Variants in ZNF319 observed in about 807,000 individuals in gnomAD.
The protein encoded by ZNF319 is zinc finger protein 319.
A neutral mutation model predicts 46.0 loss-of-function variants in ZNF319; 15 were observed. That is an observed-to-expected ratio of 0.33 (90% CI 0.22 to 0.50). ZNF319 has a LOEUF of 0.50. Ranked by LOEUF, ZNF319 falls within the 20% of genes least tolerant of loss-of-function variation. ZNF319 has a pLI of 0.98. For missense variants in ZNF319, 635 were observed against 807.0 expected (o/e 0.79, Z 2.58); for synonymous variants, 368 against 364.0 (o/e 1.01, Z -0.13).
Position 57,996,471 on chromosome 16 carries a change from C to T in ZNF319, c.*46G>A, listed in dbSNP as rs1963014649. 1 of 1,461,640 alleles carries T rather than the reference C, an allele frequency of 6.8e-7. No individual in the cohort carries two copies. Among genetic ancestry groups the T allele is most frequent in the African/African-American group, 1.4e-5 (1 of 70,634 alleles). 90.5% of individuals were successfully genotyped at this position (1,461,640 alleles called of 1,614,324 possible). A position where few individuals can be genotyped will look rare whatever the true frequency, so the allele number is the denominator to read the frequency against. ...TAGGCTGCGCGAGGCCTGCTGGGCC[C>T]ACGGCGCCGACTCAGGTCAGGCTGG... On this transcript the variant is annotated 3_prime_UTR_variant, in exon 2 of 2. Transcript: ENST00000299237.
chr16:57,996,540 G>A lies in ZNF319; in HGVS notation c.1726C>T (p.Gln576Ter). Residue 576 changes from glutamine to a stop codon, truncating the protein, a stop_gained, in exon 2 of 2, where the codon CAG (glutamine) becomes TAG (stop). Transcript: ENST00000299237. LOFTEE classifies it high-confidence loss of function. ...AAAAAAEGAYQVAACLP is the reference protein window; with the variant it reads ...AAAAAAEGAY ...AGTCAGGGCAGGCAGGCGGCTACCT[G>A]GTAGGCGCCCTCCGCTGCCGCGGCG... The A allele has an allele frequency of 1.3e-6, 2 of 1,544,262 alleles. No individual in the cohort carries two copies. The highest frequency in any genetic ancestry group is 8.7e-7 in the Non-Finnish European group (1 of 1,151,406).
chr16:57,996,701 G>T lies in ZNF319; in HGVS notation c.1565C>A (p.Ala522Asp). The change falls in exon 2 of 2, where the codon GCC becomes GAC. Residue 522 changes from alanine (A) to aspartate (D), a missense_variant. Coordinates refer to ENST00000299237, the MANE Select transcript of ZNF319 (RefSeq NM_020807.3). ...GTTGAGATGCTCCCGCTGCTTGAAG[G>T]CCTTGTCGCAGTTGGGGCACTTGTA... The part of the protein sequence containing the change: ...KPYKCPNCDK[A>D]FKQREHLNKH... The T allele has an allele frequency of 1.2e-6, 2 of 1,613,142 alleles. No individual in the cohort carries two copies.
At position 57,998,480 on chromosome 16, in the gene ZNF319, C is replaced by T. The variant is rs1011055235; in HGVS notation, c.-215G>A. On this transcript the variant is annotated 5_prime_UTR_variant, in exon 2 of 2. Transcript: ENST00000299237. ...ACATGGGGGCTCTTCAAGGGAGGGT[C>T]CCAGCAGTGCCGGGGAGACTCTGCC... 1 of 614,264 alleles carries T rather than the reference C, an allele frequency of 1.6e-6. No homozygotes were observed. The highest frequency in any genetic ancestry group is 2.7e-6 in the Non-Finnish European group (1 of 376,416). The allele number at this position is 614,264 out of a possible 1,614,324, so 38.1% of individuals were successfully genotyped here. A position where few individuals can be genotyped will look rare whatever the true frequency, so the allele number is the denominator to read the frequency against.
At position 57,997,703 on chromosome 16, in the gene ZNF319, G is replaced by A. The variant is rs1407319702; in HGVS notation, c.563C>T (p.Ala188Val). 1.2e-6 allele frequency: 2 copies of A among 1,613,716 alleles called. No homozygotes were observed. The highest frequency in any genetic ancestry group is 2.2e-5 in the East Asian group (1 of 44,882). The change falls in exon 2 of 2, where the codon GCG (alanine) becomes GTG (valine). Residue 188 changes from alanine (A) to valine (V), a missense_variant. By Grantham distance (64) the Ala-to-Val change is moderately conservative. Coordinates refer to ENST00000299237, the MANE Select transcript of ZNF319 (RefSeq NM_020807.3). ...TAAPSLPAAP[A>V]PSTVTPAEQA... is the part of the protein sequence containing the mutation. Reference sequence around the variant, plus strand: ...TTCAGCAGGGGTGACAGTGGAAGGCGCGGGTGCTGCGGGAAGCGACGGGGC... The same window carrying A: ...TTCAGCAGGGGTGACAGTGGAAGGCACGGGTGCTGCGGGAAGCGACGGGGC...
rs1488344007 is a variant in ZNF319, at chr16:58,000,263, G to T, written c.-1028C>A. On this transcript the variant is annotated 5_prime_UTR_variant, in exon 1 of 2. Coordinates refer to ENST00000299237, the MANE Select transcript of ZNF319 (RefSeq NM_020807.3). The surrounding 1 kb of genome is among the most constrained non-coding windows in gnomAD (Gnocchi z 4.5). ...GGAAGCGGCTGCGCCTCGAGGCCCG[G>T]CCTGGGCCGCCCAGAAGCTCAAGAG... 2.6e-5 allele frequency: 4 copies of T among 152,032 alleles called. No individual in the cohort carries two copies. Among genetic ancestry groups the T allele is most frequent in the African/African-American group, 7.2e-5 (3 of 41,426 alleles). The allele number at this position is 152,032 out of a possible 1,614,324, so 9.4% of individuals were successfully genotyped here.
rs751811362 is a variant in ZNF319 at position 57,996,343 on chromosome 16, A to G, written c.*174T>C. 6.6e-4 allele frequency: 873 copies of G among 1,324,022 alleles called. 3 individuals are homozygous for G. Among genetic ancestry groups the G allele is most frequent in the South Asian group, 4.0e-3 (236 of 58,564 alleles). 82.0% of individuals were successfully genotyped at this position (1,324,022 alleles called of 1,614,324 possible). A position where few individuals can be genotyped will look rare whatever the true frequency, so the allele number is the denominator to read the frequency against. On this transcript the variant is annotated 3_prime_UTR_variant, in exon 2 of 2. Coordinates refer to ENST00000299237, the MANE Select transcript of ZNF319 (RefSeq NM_020807.3). Reference sequence around the variant, plus strand: ...ACTGCCCGCTGGTGCCAGGAGTACGAGCGGCACACCCTCTCCCTGCCTCAT... The same window carrying G: ...ACTGCCCGCTGGTGCCAGGAGTACGGGCGGCACACCCTCTCCCTGCCTCAT...
chr16:57,998,482 C>T lies in ZNF319; in HGVS notation c.-217G>A, dbSNP rs951394494. 4 of 615,298 alleles carry T rather than the reference C, an allele frequency of 6.5e-6. No individual in the cohort carries two copies. The African/African-American group carries it at 7.3e-5, about 11-fold the overall frequency. The allele number at this position is 615,298 out of a possible 1,614,324, so 38.1% of individuals were successfully genotyped here. The stretch of plus-strand genomic sequence containing the variant: ...ATGGGGGCTCTTCAAGGGAGGGTCC[C>T]AGCAGTGCCGGGGAGACTCTGCCTT... On this transcript the variant is annotated 5_prime_UTR_variant, in exon 2 of 2. Transcript: ENST00000299237.
In ZNF319 at chr16:57,996,592, C is replaced by T. The variant is rs1299031244; in HGVS notation, c.1674G>A (p.Gln558=). 3.7e-6 allele frequency: 6 copies of T among 1,602,546 alleles called. No homozygotes were observed. The highest frequency in any genetic ancestry group is 5.1e-6 in the Non-Finnish European group (6 of 1,178,424). Residue 558 remains glutamine (Q), a synonymous_variant, in exon 2 of 2, where the codon CAG becomes CAA. Transcript: ENST00000299237. ...GERFLDVALL[Q]EHSAQHSAAA... ...CGGCACTGTGCTGCGCGCTGTGCTC[C>T]TGCAACAAGGCCACGTCTAGGAAGC...
At position 57,996,338 on chromosome 16, in the gene ZNF319, G is replaced by C. The variant is rs2142279212; in HGVS notation, c.*179C>G. On this transcript the variant is annotated 3_prime_UTR_variant, in exon 2 of 2. Coordinates refer to ENST00000299237, the MANE Select transcript of ZNF319 (RefSeq NM_020807.3). ...CCCGCACTGCCCGCTGGTGCCAGGA[G>C]TACGAGCGGCACACCCTCTCCCTGC... 9 of 1,297,622 alleles carry C rather than the reference G, an allele frequency of 6.9e-6. No individual in the cohort carries two copies. In the South Asian group the frequency reaches 1.6e-4, roughly 22 times the overall value. The allele number at this position is 1,297,622 out of a possible 1,614,324, so 80.4% of individuals were successfully genotyped here.
chr16:57,996,393 T>C lies in ZNF319; in HGVS notation c.*124A>G, dbSNP rs1963013619. ...TACCCCTGCGTCCTCACTCCCGAGG[T>C]CTCAGAACACCGAGCTGGGTGGGGC... On this transcript the variant is annotated 3_prime_UTR_variant, in exon 2 of 2. Coordinates refer to ENST00000299237, the MANE Select transcript of ZNF319 (RefSeq NM_020807.3). 7.0e-7 allele frequency: 1 copy of C among 1,428,972 alleles called. No individual in the cohort carries two copies. Among genetic ancestry groups the C allele is most frequent in the African/African-American group, 1.4e-5 (1 of 69,416 alleles). The allele number at this position is 1,428,972 out of a possible 1,614,324, so 88.5% of individuals were successfully genotyped here. A position where few individuals can be genotyped will look rare whatever the true frequency, so the allele number is the denominator to read the frequency against.
In ZNF319 at chr16:57,999,996, C is replaced by T. The variant is rs1476945024; in HGVS notation, c.-761G>A. 1 of 152,676 alleles carries T rather than the reference C, an allele frequency of 6.5e-6. No individual in the cohort carries two copies. Among genetic ancestry groups the T allele is most frequent in the Admixed American group, 6.5e-5 (1 of 15,296 alleles). 9.5% of individuals were successfully genotyped at this position (152,676 alleles called of 1,614,324 possible). On this transcript the variant is annotated 5_prime_UTR_variant, in exon 1 of 2. Coordinates refer to ENST00000299237, the MANE Select transcript of ZNF319 (RefSeq NM_020807.3). ...CCAGGAAGCCTCTGTGATCACTCCG[C>T]AAAGGGGAGAGAGGAGGCAAGGAGA...
At position 58,000,662 on chromosome 16, in the gene ZNF319, C is replaced by G. The variant is rs1442244867; in HGVS notation, c.-1427G>C. ...GCGGGCGGACGGACCGATGGCCTTGCGGAGACGGGCGGACGGGCGGGCGGC... is the reference window on the plus strand; with the variant it reads ...GCGGGCGGACGGACCGATGGCCTTGGGGAGACGGGCGGACGGGCGGGCGGC... On this transcript the variant is annotated 5_prime_UTR_variant, in exon 1 of 2. Transcript: ENST00000299237. The surrounding 1 kb of genome is among the most constrained non-coding windows in gnomAD (Gnocchi z 4.5). Among the ~76,000 whole-genome samples, 6 of 143,988 alleles carry G rather than the reference C, an allele frequency of 4.2e-5. No homozygotes were observed. Among genetic ancestry groups the G allele is most frequent in the Admixed American group, 2.7e-4 (4 of 14,606 alleles). 94.5% of individuals were successfully genotyped at this position (143,988 alleles called of 152,430 possible). A position where few individuals can be genotyped will look rare whatever the true frequency, so the allele number is the denominator to read the frequency against.
At position 57,997,022 on chromosome 16, in the gene ZNF319, A is replaced by G. The variant is rs1218720293; in HGVS notation, c.1244T>C (p.Leu415Pro). 1 of 1,611,298 alleles carries G rather than the reference A, an allele frequency of 6.2e-7. No homozygotes were observed. The highest frequency in any genetic ancestry group is 8.5e-7 in the Non-Finnish European group (1 of 1,179,564). Reference sequence around the variant, plus strand: ...CGCGCCGGGCAGGCACTTGTGCCGCAGCAGCTCGGCAGATTGGTCAAAGCC... The same window carrying G: ...CGCGCCGGGCAGGCACTTGTGCCGCGGCAGCTCGGCAGATTGGTCAAAGCC... ...QKGFDQSAEL[L>P]RHKCLPGAAE... Residue 415 changes from leucine (L) to proline (P), a missense_variant, in exon 2 of 2, where the codon CTG becomes CCG. Around this residue, in one of 3 missense-constraint regions of ZNF319, gnomAD observed 270 missense variants for 281.4 expected, o/e 0.96. Coordinates refer to ENST00000299237, the MANE Select transcript of ZNF319 (RefSeq NM_020807.3).
Position 57,998,137 on chromosome 16 carries a change from G to C in ZNF319, c.129C>G (p.Asn43Lys). Residue 43 changes from asparagine to lysine, a missense_variant, in exon 2 of 2, where the codon AAC (asparagine) becomes AAG (lysine). Asn to Lys is a moderately conservative substitution (Grantham distance 94, BLOSUM62 0). Coordinates refer to ENST00000299237, the MANE Select transcript of ZNF319 (RefSeq NM_020807.3). ...TGCCATAGACGGCACAGCCCAGGGG[G>C]TTCTCCGCCGTGCCCGGAGGCAGCG... Reference protein sequence around the residue: ...EHTLPPGTAENPLGCAVYGIL... With the variant: ...EHTLPPGTAEKPLGCAVYGIL... 1 of 1,589,736 alleles carries C rather than the reference G, an allele frequency of 6.3e-7. No individual in the cohort carries two copies. Among genetic ancestry groups the C allele is most frequent in the Non-Finnish European group, 8.6e-7 (1 of 1,164,922 alleles).
intron 1 of ZNF319, 84 bp from the exon 2 acceptor site, chr16:57,998,606 C>T (rs982260110): frequency 4.1e-6 from 1 of 243,444 alleles, no homozygotes; most frequent in Non-Finnish European, 8.3e-6. Flanking sequence ...CCCGCACTCA[C>T]CACACCATCA....
rs746427346 is a variant in ZNF319, at chr16:57,997,426, G to A, written c.840C>T (p.His280=). Residue 280 remains histidine, a synonymous_variant, in exon 2 of 2, where the codon CAC becomes CAT. Transcript: ENST00000299237. ...RSHLVRHMYA[H]SGEHHLFRCN... ...AGCGGAACAGGTGGTGCTCGCCCGA[G>A]TGCGCGTACATGTGGCGCACCAGGT... is the stretch of plus-strand genomic sequence containing the variant. 36 of 1,613,062 alleles carry A rather than the reference G, an allele frequency of 2.2e-5. 1 individual carries two copies. In the South Asian group the frequency reaches 3.5e-4, roughly 16 times the overall value.
In ZNF319 at chr16:57,996,947, G is replaced by A. The variant is rs772572424; in HGVS notation, c.1319C>T (p.Ala440Val). 12 of 1,601,742 alleles carry A rather than the reference G, an allele frequency of 7.5e-6. No individual in the cohort carries two copies. In the Admixed American group the frequency reaches 1.8e-4, roughly 25 times the overall value. Residue 440 changes from alanine to valine, a missense_variant, in exon 2 of 2, where the codon GCG (alanine) becomes GTG (valine). Physicochemically the swap from Ala to Val is moderately conservative, Grantham distance 64 (BLOSUM62 0). Transcript: ENST00000299237. ...CAGCTGGTGCTTCTGCAGGGCCGACGCGCGCTTGTAGGCCTTGTTGCACAC... is the reference window on the plus strand; with the variant it reads ...CAGCTGGTGCTTCTGCAGGGCCGACACGCGCTTGTAGGCCTTGTTGCACAC... ...CPVCNKAYKR[A>V]SALQKHQLAH... is the part of the protein sequence containing the mutation.
Position 57,997,497 on chromosome 16 carries a change from GC to G in ZNF319, c.768del (p.Tyr258ThrfsTer101). On this transcript the variant is annotated frameshift_variant, in exon 2 of 2. Coordinates refer to ENST00000299237, the MANE Select transcript of ZNF319 (RefSeq NM_020807.3). LOFTEE classifies it high-confidence loss of function. ...TTCTCGCAGACTGCGCACTTGTAGGGCCGCTCGGAGCTGTGCGTGCGCTTGT... is the reference window on the plus strand; with the variant it reads ...TTCTCGCAGACTGCGCACTTGTAGGGCGCTCGGAGCTGTGCGTGCGCTTGT... The part of the protein sequence containing the change: ...VHHKRTHSSE[R>X]PYKCAVCEKT... The G allele has an allele frequency of 6.2e-7, 1 of 1,613,838 alleles. No homozygotes were observed. Among genetic ancestry groups the G allele is most frequent in the Non-Finnish European group, 8.5e-7 (1 of 1,179,902 alleles).
rs548743087 is a variant in ZNF319, at chr16:57,997,588, A to G, written c.678T>C (p.Gly226=). 13 of 1,614,068 alleles carry G rather than the reference A, an allele frequency of 8.1e-6. 1 individual carries two copies. The highest frequency in any genetic ancestry group is 4.0e-5 in the African/African-American group (3 of 75,034). ...ACAGCGTGCACTTGTAGGGCTTCTCACCGGTGTGGATCCGCTCATGCCGAG... is the reference window on the plus strand; with the variant it reads ...ACAGCGTGCACTTGTAGGGCTTCTCGCCGGTGTGGATCCGCTCATGCCGAG... ...ELSRHERIHT[G]EKPYKCTLCD... Residue 226 remains glycine, a synonymous_variant, in exon 2 of 2, where the codon GGT becomes GGC. Coordinates refer to ENST00000299237, the MANE Select transcript of ZNF319 (RefSeq NM_020807.3).
Sources: gnomAD v4.1 joint callset for allele counts (sites outside exome capture counted in the v4.1 genomes callset) on GRCh38, gnomAD v4.1.1 for gene constraint, gnomAD v4.1.1 regional missense constraint, Gnocchi (gnomAD v3.1) non-coding constraint, MANE v1.5 for transcripts, NCBI Gene and HGNC (gene_info 2026-07-23, HGNC 2026-07-21) for gene names.